Variants in HOOK1 observed in about 807,000 individuals in gnomAD.
The protein encoded by HOOK1 is protein Hook homolog 1.
In HOOK1, 60 loss-of-function variants were observed where a neutral mutation model predicts 112.8. The observed-to-expected ratio is 0.53, with a 90% confidence interval of 0.43 to 0.66. HOOK1 has a LOEUF of 0.66. Among genes scored for constraint, HOOK1 ranks in the 30% least tolerant of loss-of-function variants. HOOK1 has a pLI of 0.00. For missense variants in HOOK1, 770 were observed against 856.0 expected, an observed-to-expected ratio of 0.90 and a Z score of 1.25; for synonymous variants, 294 against 283.8, an observed-to-expected ratio of 1.04 and a Z score of -0.36.
intron 2 of HOOK1, among the ~76,000 whole-genome samples, chr1:59,825,649 G>A (rs2098389302): frequency 6.6e-6 from 1 of 152,132 alleles, no homozygotes; most frequent in Non-Finnish European, 1.5e-5. Flanking sequence ...ATTGCTTTTG[G>A]AAGTTAAATG....
Position 59,824,495 on chromosome 1 carries a change from C to T in HOOK1, c.149+2552C>T, listed in dbSNP as rs183881734. On this transcript the variant is annotated intron_variant, in intron 2 of 21. Coordinates refer to ENST00000371208, the MANE Select transcript of HOOK1 (RefSeq NM_015888.6). ...TGCTGGGATTACAGGCGTGAGCCAC[C>T]GCGCCCAGCTCAAATATGTTATAAT... is the stretch of plus-strand genomic sequence containing the variant. Among the ~76,000 whole-genome samples the T allele has an allele frequency of 2.6e-5, 4 of 152,258 alleles. No homozygotes were observed. In the East Asian group the frequency reaches 5.8e-4, roughly 22 times the overall value.
At position 59,875,385 on chromosome 1, in the gene HOOK1, T is replaced by C. The variant is rs1349073276; in HGVS notation, c.*2420T>C. The C allele has an allele frequency of 6.6e-6, 1 of 152,614 alleles. No individual in the cohort carries two copies. Among genetic ancestry groups the C allele is most frequent in the Non-Finnish European group, 1.5e-5 (1 of 67,990 alleles). 9.5% of individuals were successfully genotyped at this position (152,614 alleles called of 1,614,324 possible). A position where few individuals can be genotyped will look rare whatever the true frequency, so the allele number is the denominator to read the frequency against. On this transcript the variant is annotated 3_prime_UTR_variant, in exon 22 of 22. Transcript: ENST00000371208. ...TGATATGTAAGTATTTATATAAGAC[T>C]AATGTAATTTAAAGTTCTGTATTAT... is the stretch of plus-strand genomic sequence containing the variant.
At chr1:59,872,051 A>G (rs1049843496) in intron 21 of HOOK1, among the ~76,000 whole-genome samples, 1 of 152,206 alleles carries the variant, frequency 6.6e-6, no homozygotes, top group Non-Finnish European at 1.5e-5. Context: ...CAGTGAAGAT[A>G]TTGTAGCCAG....
chr1:59,851,780 C>G (rs1456231526), intron 12 of HOOK1, among the ~76,000 whole-genome samples: 1 of 151,578 alleles, frequency 6.6e-6, no homozygotes, highest in Non-Finnish European at 1.5e-5. Flanking sequence ...ATGTATGATA[C>G]TAGCTGTGAG....
chr1:59,876,237 T>G lies in HOOK1; in HGVS notation c.*3272T>G, dbSNP rs1236750385. 3.3e-5 allele frequency: 5 copies of G among 152,666 alleles called. No individual in the cohort carries two copies. Among genetic ancestry groups the G allele is most frequent in the Admixed American group, 2.6e-4 (4 of 15,282 alleles). The allele number at this position is 152,666 out of a possible 1,614,324, so 9.5% of individuals were successfully genotyped here. On this transcript the variant is annotated 3_prime_UTR_variant, in exon 22 of 22. Transcript: ENST00000371208. ...TTTCTATTTTCTATGGCAAAGACTT[T>G]GACACTTGAAAAATAAAACCAATAT...
chr1:59,835,481 A>T (rs1266102644), intron 6 of HOOK1, 69 bp downstream of exon 6: 2 of 876,452 alleles, frequency 2.3e-6, no homozygotes, highest in Admixed American at 2.5e-5. Flanking sequence ...TTCATACTTT[A>T]TGCTTTTCTT....
intron 9 of HOOK1, among the ~76,000 whole-genome samples, chr1:59,845,802 T>G (rs2098403459): frequency 6.6e-6 from 1 of 151,912 alleles, no homozygotes; most frequent in African/African-American, 2.4e-5. Flanking sequence ...ACTGTCTTTA[T>G]AATAGATATT....
chr1:59,835,146 T>C (rs897508779), intron 5 of HOOK1, among the ~76,000 whole-genome samples, 199 bp from the exon 6 acceptor site: 8 of 152,186 alleles, frequency 5.3e-5, no homozygotes, highest in Non-Finnish European at 7.4e-5. Context: ...ACAATCTCAA[T>C]CTTGAAAGAA....
chr1:59,876,053 A>G lies in HOOK1; in HGVS notation c.*3088A>G, dbSNP rs964787709. ...TGTGTATTTAATGAGAAACATTCCT[A>G]TGTAAAAATGTGTGTATGTGAACGT... On this transcript the variant is annotated 3_prime_UTR_variant, in exon 22 of 22. Coordinates refer to ENST00000371208, the MANE Select transcript of HOOK1 (RefSeq NM_015888.6). 2.0e-5 allele frequency: 3 copies of G among 152,670 alleles called. No individual in the cohort carries two copies. Among genetic ancestry groups the G allele is most frequent in the Admixed American group, 2.0e-4 (3 of 15,288 alleles). 9.5% of individuals were successfully genotyped at this position (152,670 alleles called of 1,614,324 possible).
Position 59,848,388 on chromosome 1 carries a change from G to C in HOOK1, c.1003G>C (p.Asp335His). Reference protein sequence around the residue: ...IYRQKLQDLNDLRKQVKTLQE... With the variant: ...IYRQKLQDLNHLRKQVKTLQE... Reference sequence around the variant, plus strand: ...TCGTCAGAAGCTACAAGATCTGAATGACCTTCGCAAGCAGGTGAAAACTTT... The same window carrying C: ...TCGTCAGAAGCTACAAGATCTGAATCACCTTCGCAAGCAGGTGAAAACTTT... The change falls in exon 11 of 22, where the codon GAC (aspartate) becomes CAC (histidine). Residue 335 changes from aspartate to histidine, a missense_variant. By Grantham distance (81) the Asp-to-His change is moderately conservative. Coordinates refer to ENST00000371208, the MANE Select transcript of HOOK1 (RefSeq NM_015888.6). The C allele has an allele frequency of 6.2e-7, 1 of 1,611,244 alleles. No homozygotes were observed. Among genetic ancestry groups the C allele is most frequent in the Non-Finnish European group, 8.5e-7 (1 of 1,178,030 alleles).
At chr1:59,830,245 T>A (rs1287832252) in intron 3 of HOOK1, among the ~76,000 whole-genome samples, 1 of 152,106 alleles carries the variant, frequency 6.6e-6, no homozygotes, top group Non-Finnish European at 1.5e-5. Context: ...TGATATTTTT[T>A]CTTATTATAC....
At position 59,815,186 on chromosome 1, in the gene HOOK1, TGCGAGGAG is replaced by T; in HGVS notation, c.63+12_63+19del. 1 of 1,542,670 alleles carries T rather than the reference TGCGAGGAG, an allele frequency of 6.5e-7. No homozygotes were observed. Among genetic ancestry groups the T allele is most frequent in the South Asian group, 1.2e-5 (1 of 83,978 alleles). On this transcript the variant is annotated splice_region_variant and intron_variant, in intron 1 of 21. Coordinates refer to ENST00000371208, the MANE Select transcript of HOOK1 (RefSeq NM_015888.6). Reference sequence around the variant, plus strand: ...GCGACAGCCTCATGATCTGGGTGAGTGCGAGGAGGCGAGAGGGCGAGGGGGCCAGGGGG... The same window carrying T: ...GCGACAGCCTCATGATCTGGGTGAGTGCGAGAGGGCGAGGGGGCCAGGGGG...
At chr1:59,851,857 G>C (rs191470823) in intron 12 of HOOK1, among the ~76,000 whole-genome samples, 45 of 151,710 alleles carry the variant, frequency 3.0e-4, no homozygotes, top group African/African-American at 9.4e-4. Flanking sequence ...TCTATTCGTA[G>C]TTTGTTGCAT....
At chr1:59,844,194 C>T (rs1011954853) in intron 9 of HOOK1, among the ~76,000 whole-genome samples, 1 of 151,964 alleles carries the variant, frequency 6.6e-6, no homozygotes, top group African/African-American at 2.4e-5. Context: ...ACACCTTTTA[C>T]TCAGATTCAA....
rs1206153710 is a variant in HOOK1 at position 59,846,600 on chromosome 1, C to CCCT, written c.789-442_789-440dup. Among the ~76,000 whole-genome samples the CCCT allele has an allele frequency of 2.6e-3, 262 of 102,358 alleles. 12 individuals carry two copies. Among genetic ancestry groups the CCCT allele is most frequent in the Non-Finnish European group, 3.4e-3 (163 of 47,558 alleles). The allele number at this position is 102,358 out of a possible 152,430, so 67.2% of individuals were successfully genotyped here. ...CTTCCTTCCTTCCTCCCTCCTCCCT[C>CCCT]CCTCCCTCCCTCTCTCTCTCTCATT... is the stretch of plus-strand genomic sequence containing the variant. On this transcript the variant is annotated intron_variant, in intron 9 of 21. Coordinates refer to ENST00000371208, the MANE Select transcript of HOOK1 (RefSeq NM_015888.6).
rs750429394 is a variant in HOOK1 at position 59,860,194 on chromosome 1, G to A, written c.1398G>A (p.Val466=). 2 of 1,599,086 alleles carry A rather than the reference G, an allele frequency of 1.3e-6. No homozygotes were observed. Among genetic ancestry groups the A allele is most frequent in the Non-Finnish European group, 1.7e-6 (2 of 1,174,218 alleles). Reference sequence around the variant, plus strand: ...TTTTGCTTTGTAACATCAGGGAGGTGTTTATTCGACTGCAACATGAAAATA... The same window carrying A: ...TTTTGCTTTGTAACATCAGGGAGGTATTTATTCGACTGCAACATGAAAATA... The part of the protein sequence containing the change: ...AEIMPVEYRE[V]FIRLQHENKM... The change falls in exon 15 of 22, where the codon GTG becomes GTA. Residue 466 remains valine, a synonymous_variant. Coordinates refer to ENST00000371208, the MANE Select transcript of HOOK1 (RefSeq NM_015888.6).
chr1:59,842,758 GATGTTTTTAA>G (rs1439682669), intron 8 of HOOK1, among the ~76,000 whole-genome samples: 27 of 152,036 alleles, frequency 1.8e-4, no homozygotes, highest in African/African-American at 6.3e-4. Flanking sequence ...CATTTTTAAA[GATGTTTTTAA>G]ATGGAAAAGA....
rs114352363 is a variant in HOOK1, at chr1:59,828,734, A to C, written c.150-46A>C. ...GTTGGCTCTATTTAATTTTTTGTGTAATAAAAACATTTTCATCTTTAGTAT... is the reference window on the plus strand; with the variant it reads ...GTTGGCTCTATTTAATTTTTTGTGTCATAAAAACATTTTCATCTTTAGTAT... On this transcript the variant is annotated intron_variant, in intron 2 of 21. Coordinates refer to ENST00000371208, the MANE Select transcript of HOOK1 (RefSeq NM_015888.6). The C allele has an allele frequency of 7.7e-4, 1,193 of 1,558,426 alleles. 11 individuals are homozygous for C. The African/African-American group carries it at 0.014, about 18-fold the overall frequency.
Position 59,848,361 on chromosome 1 carries a change from T to C in HOOK1, c.976T>C (p.Tyr326His), listed in dbSNP as rs151056473. 1.5e-4 allele frequency: 234 copies of C among 1,611,122 alleles called. 1 individual carries two copies. Among genetic ancestry groups the C allele is most frequent in the Non-Finnish European group, 1.9e-4 (224 of 1,178,056 alleles). The change falls in exon 11 of 22, where the codon TAT (tyrosine) becomes CAT (histidine). Residue 326 changes from tyrosine (Y) to histidine (H), a missense_variant. Tyr to His is a moderately conservative substitution (Grantham distance 83, BLOSUM62 2). Transcript: ENST00000371208. Reference protein sequence around the residue: ...ANKLESTVEIYRQKLQDLNDL... With the variant: ...ANKLESTVEIHRQKLQDLNDL... The stretch of plus-strand genomic sequence containing the variant: ...TAAACTGGAGTCAACAGTTGAGATA[T>C]ATCGTCAGAAGCTACAAGATCTGAA...
Sources: allele counts gnomAD v4.1 joint callset (sites outside exome capture counted in the v4.1 genomes callset), GRCh38; gene constraint gnomAD v4.1.1; transcripts MANE v1.5; gene names NCBI Gene and HGNC (gene_info 2026-07-23, HGNC 2026-07-21).